The following CENPW variants were observed in gnomAD, a reference collection of about 807,000 sequenced individuals.
The protein encoded by CENPW is cancer-up-regulated gene 2 protein.
A neutral mutation model predicts 11.1 loss-of-function variants in CENPW; 3 were observed. The ratio of observed to expected loss-of-function variants is 0.27; its 90% confidence interval spans 0.12 to 0.70. CENPW has a LOEUF of 0.70. Among genes scored for constraint, CENPW ranks in the 30% least tolerant of loss-of-function variants. The probability of loss-of-function intolerance (pLI) is 0.77; values close to 1 mark genes in which losing one functional copy is unlikely to be tolerated. For synonymous variants in CENPW, 38 were observed against 42.0 expected (o/e 0.91, Z 0.37); for missense variants, 100 against 105.6 (o/e 0.95, Z 0.23).
the CENPW span, among the ~76,000 whole-genome samples, chr6:126,411,496 T>C: frequency 5.9e-5 from 9 of 152,144 alleles, no homozygotes; most frequent in East Asian, 1.2e-3. Context: ...GGTCCTAAAC[T>C]TGATGTTTCT....
At chr6:126,413,457 A>T in the CENPW span, among the ~76,000 whole-genome samples, 5 of 152,162 alleles carry the variant, frequency 3.3e-5, no homozygotes, top group African/African-American at 1.2e-4. Flanking sequence ...TGAAAACAAA[A>T]GCCAACTAAA....
the CENPW span, among the ~76,000 whole-genome samples, chr6:126,468,014 C>T: frequency 1.2e-3 from 176 of 152,168 alleles, 2 homozygotes; most frequent in East Asian, 0.023. Context: ...ACAAAATACG[C>T]AACCAGTACT....
the CENPW span, among the ~76,000 whole-genome samples, chr6:126,371,916 T>A: frequency 3.9e-5 from 6 of 152,218 alleles, no homozygotes; most frequent in East Asian, 1.2e-3. Context: ...CTTTTTCCTG[T>A]GGTATCGGTT....
chr6:126,418,404 T>C, the CENPW span, among the ~76,000 whole-genome samples: 1 of 152,316 alleles, frequency 6.6e-6, no homozygotes, highest in African/African-American at 2.4e-5. Context: ...CCACTGGGAA[T>C]ATTTTCAGCA....
At chr6:126,356,469 T>G in the CENPW span, among the ~76,000 whole-genome samples, 1,457 of 152,294 alleles carry the variant, frequency 9.6e-3, 12 homozygotes, top group Non-Finnish European at 0.015. Context: ...TTTGAGACAT[T>G]TAATCATTCC....
At chr6:126,357,771 G>C in the CENPW span, among the ~76,000 whole-genome samples, 26 of 152,134 alleles carry the variant, frequency 1.7e-4, no homozygotes, top group African/African-American at 6.3e-4. Flanking sequence ...ACCACACCTG[G>C]CTGATTTTAG....
chr6:126,385,794 C>T, the CENPW span, among the ~76,000 whole-genome samples: 1 of 152,064 alleles, frequency 6.6e-6, no homozygotes, highest in Admixed American at 6.6e-5. Flanking sequence ...CGCTTTCTGC[C>T]ATTATTGTAA....
chr6:126,474,847 A>T, the CENPW span, among the ~76,000 whole-genome samples: 1 of 152,270 alleles, frequency 6.6e-6, no homozygotes, highest in Admixed American at 6.5e-5. Flanking sequence ...CCAATAAAAT[A>T]AACTAGTTTG....
chr6:126,414,680 G>T, the CENPW span, among the ~76,000 whole-genome samples: 2 of 151,700 alleles, frequency 1.3e-5, no homozygotes, highest in Admixed American at 6.6e-5. Flanking sequence ...AAAGTAAAAA[G>T]ATTTCAAGTA....
At chr6:126,448,736 C>T in the CENPW span, among the ~76,000 whole-genome samples, 1 of 150,924 alleles carries the variant, frequency 6.6e-6, no homozygotes, top group Admixed American at 6.6e-5. Context: ...TTTACCATGA[C>T]ATTCATATAA....
At chr6:126,410,791 T>G in the CENPW span, among the ~76,000 whole-genome samples, 5 of 152,054 alleles carry the variant, frequency 3.3e-5, no homozygotes, top group Non-Finnish European at 5.9e-5. Flanking sequence ...CTTGTATTTT[T>G]CATTTCATTC....
At chr6:126,477,960 T>A in the CENPW span, among the ~76,000 whole-genome samples, 1 of 152,058 alleles carries the variant, frequency 6.6e-6, no homozygotes, top group Non-Finnish European at 1.5e-5. Flanking sequence ...TGATCATTAA[T>A]TGCTGGATTC....
the CENPW span, among the ~76,000 whole-genome samples, chr6:126,462,060 G>A: frequency 2.0e-5 from 3 of 151,868 alleles, no homozygotes; most frequent in Non-Finnish European, 4.4e-5. Flanking sequence ...GAAGAGAGTT[G>A]GGATATTGAA....
At chr6:126,450,529 A>T in the CENPW span, among the ~76,000 whole-genome samples, 6 of 150,966 alleles carry the variant, frequency 4.0e-5, no homozygotes, top group Non-Finnish European at 7.4e-5. Context: ...TTTTTCTTCT[A>T]CCACATGAAC....
downstream of CENPW, among the ~76,000 whole-genome samples, chr6:126,350,300 T>G (rs767381823): frequency 1.9e-4 from 29 of 152,156 alleles, no homozygotes; most frequent in Non-Finnish European, 3.7e-4. Flanking sequence ...TAAATTTTTT[T>G]CTCACAGTTT....
chr6:126,458,637 A>G, the CENPW span, among the ~76,000 whole-genome samples: 1 of 151,326 alleles, frequency 6.6e-6, no homozygotes, highest in African/African-American at 2.4e-5. Context: ...TCTTAGTAGA[A>G]TCAACCTACT....
chr6:126,398,827 T>C, the CENPW span, among the ~76,000 whole-genome samples: 2 of 151,188 alleles, frequency 1.3e-5, no homozygotes, highest in Non-Finnish European at 3.0e-5. Context: ...CTCTAACATC[T>C]AGTATCCCCC....
At chr6:126,460,874 A>G in the CENPW span, among the ~76,000 whole-genome samples, 1 of 151,870 alleles carries the variant, frequency 6.6e-6, no homozygotes, top group South Asian at 2.1e-4. Context: ...TGAAGACTAG[A>G]GGGCTTAGAG....
At chr6:126,392,180 C>T in the CENPW span, among the ~76,000 whole-genome samples, 3 of 151,626 alleles carry the variant, frequency 2.0e-5, no homozygotes, top group Non-Finnish European at 4.4e-5. Context: ...ATTGTAGAAA[C>T]CTTTCACTTT....
Sources: gnomAD v4.1 joint callset for allele counts (sites outside exome capture counted in the v4.1 genomes callset) on GRCh38, gnomAD v4.1.1 for gene constraint, MANE v1.5 for transcripts, NCBI Gene and HGNC (gene_info 2026-07-23, HGNC 2026-07-21) for gene names.